The following FBXW7 variants were observed in gnomAD, a reference collection of about 807,000 sequenced individuals.
The protein encoded by FBXW7 is F-box and WD repeat domain containing 7, also known as F-box/WD repeat-containing protein 7.
A neutral mutation model predicts 86.3 loss-of-function variants in FBXW7; 11 were observed. The ratio of observed to expected loss-of-function variants is 0.13; its 90% CI spans 0.08 to 0.21. The LOEUF is 0.21. Among genes scored for constraint, FBXW7 ranks in the 10% least tolerant of loss-of-function variants. FBXW7 has a pLI of 1.00. For synonymous variants in FBXW7, 313 were observed against 297.9 expected, an observed-to-expected ratio of 1.05 and a Z score of -0.52; for missense variants, 488 against 847.4, an observed-to-expected ratio of 0.58 and a Z score of 5.27.
At chr4:152,411,082 C>G in intron 4 of FBXW7, 2 of 779,132 alleles carry the variant, frequency 2.6e-6, no homozygotes, top group Non-Finnish European at 3.6e-6. Context: ...TAGTAATAGG[C>G]TCAATTACTT....
intron 2 of FBXW7, among the ~76,000 whole-genome samples, chr4:152,428,063 C>G (rs190163682): frequency 9.0e-4 from 137 of 152,214 alleles, no homozygotes; most frequent in African/African-American, 3.2e-3. Context: ...TCCCATGGAA[C>G]CTTGGGTATG....
intron 2 of FBXW7, among the ~76,000 whole-genome samples, chr4:152,435,357 G>C (rs1411926971): frequency 6.6e-6 from 1 of 152,000 alleles, no homozygotes; most frequent in Non-Finnish European, 1.5e-5. Flanking sequence ...CCTTAATTTT[G>C]GTTTGTCTAA....
intron 2 of FBXW7, among the ~76,000 whole-genome samples, chr4:152,490,327 T>C (rs1745723558): frequency 6.6e-6 from 1 of 152,108 alleles, no homozygotes; most frequent in African/African-American, 2.4e-5. Flanking sequence ...ATGTAAATTT[T>C]ATACTATGTA....
At chr4:152,401,200 A>C (rs895268362) in intron 4 of FBXW7, among the ~76,000 whole-genome samples, 27 of 152,190 alleles carry the variant, frequency 1.8e-4, no homozygotes, top group African/African-American at 6.5e-4. Context: ...CATTTACGCA[A>C]AGGAGTTAAA....
intron 2 of FBXW7, among the ~76,000 whole-genome samples, chr4:152,421,716 C>T (rs1466399189): frequency 1.3e-5 from 2 of 152,092 alleles, no homozygotes; most frequent in Non-Finnish European, 2.9e-5. Context: ...TTCACTTGAA[C>T]ACTTAGAAGC....
chr4:152,419,992 T>C (rs574211137), intron 2 of FBXW7, among the ~76,000 whole-genome samples: 1 of 152,148 alleles, frequency 6.6e-6, no homozygotes, highest in Non-Finnish European at 1.5e-5. Context: ...ACAATAAAGT[T>C]AGCCACATCA....
At chr4:152,431,756 T>C (rs2126951420) in intron 2 of FBXW7, among the ~76,000 whole-genome samples, 1 of 152,320 alleles carries the variant, frequency 6.6e-6, no homozygotes, top group Admixed American at 6.5e-5. Flanking sequence ...AGGACATTTT[T>C]TTCTCCTTGT....
intron 2 of FBXW7, among the ~76,000 whole-genome samples, chr4:152,478,434 A>G (rs748005225): frequency 6.6e-6 from 1 of 152,120 alleles, no homozygotes; most frequent in African/African-American, 2.4e-5. Context: ...ATATTCTACT[A>G]TATGTATAAA....
intron 4 of FBXW7, among the ~76,000 whole-genome samples, chr4:152,405,266 C>T (rs1210238519): frequency 2.0e-5 from 3 of 152,024 alleles, no homozygotes; most frequent in African/African-American, 7.2e-5. Context: ...CCAAAAATGT[C>T]ACCAGGTAAT....
intron 2 of FBXW7, among the ~76,000 whole-genome samples, chr4:152,461,977 T>C (rs1307249816): frequency 2.0e-5 from 3 of 152,334 alleles, no homozygotes; most frequent in African/African-American, 7.2e-5. Context: ...TATACGTTGT[T>C]TCAGTTAAAG....
At chr4:152,461,680 A>G (rs1054771315) in intron 2 of FBXW7, among the ~76,000 whole-genome samples, 4 of 152,196 alleles carry the variant, frequency 2.6e-5, no homozygotes, top group Non-Finnish European at 5.9e-5. Context: ...TTTCCACTTT[A>G]TTTGCATATC....
At chr4:152,332,307 A>G (rs1000887133) in intron 8 of FBXW7, among the ~76,000 whole-genome samples, 4 of 152,128 alleles carry the variant, frequency 2.6e-5, no homozygotes, top group Non-Finnish European at 5.9e-5. Context: ...ATATTTGGAT[A>G]TTTAATTGGA....
chr4:152,383,499 C>G lies in FBXW7; in HGVS notation c.501+27804G>C, dbSNP rs143929606. ...TTTATACTATAATCCATATTCCTAA[C>G]AGATAGTAGATAATGATTGTGAACT... On this transcript the variant is annotated intron_variant, in intron 4 of 13. Coordinates refer to ENST00000281708, the MANE Select transcript of FBXW7 (RefSeq NM_001349798.2). 2.9e-4 allele frequency among the ~76,000 whole-genome samples: 44 copies of G among 152,268 alleles called. No individual in the cohort carries two copies. In the East Asian group the frequency reaches 5.2e-3, roughly 18 times the overall value.
intron 4 of FBXW7, among the ~76,000 whole-genome samples, chr4:152,389,412 C>A (rs1232769565): frequency 6.6e-6 from 1 of 151,966 alleles, no homozygotes; most frequent in East Asian, 1.9e-4. Context: ...CACACACACA[C>A]AAATGGAATA....
chr4:152,525,079 T>G (rs1749385261), intron 2 of FBXW7, among the ~76,000 whole-genome samples: 1 of 152,212 alleles, frequency 6.6e-6, no homozygotes, highest in South Asian at 2.1e-4. Context: ...AAGTCTTTTT[T>G]GAAAAACTAT....
chr4:152,483,041 A>C (rs1745020775), intron 2 of FBXW7, among the ~76,000 whole-genome samples: 2 of 152,122 alleles, frequency 1.3e-5, no homozygotes, highest in Non-Finnish European at 2.9e-5. Flanking sequence ...TCTAAAATAC[A>C]GATGTACCAT....
At chr4:152,390,137 G>A (rs1326910518) in intron 4 of FBXW7, among the ~76,000 whole-genome samples, 1 of 149,394 alleles carries the variant, frequency 6.7e-6, no homozygotes, top group African/African-American at 2.5e-5. Context: ...CCTACCTACT[G>A]TAGTGGTCTA....
intron 5 of FBXW7, chr4:152,348,755 A>C: frequency 1.9e-6 from 2 of 1,042,322 alleles, no homozygotes; most frequent in Non-Finnish European, 1.3e-6. Context: ...CATTAAATGC[A>C]AATTTCTCAT....
chr4:152,486,564 T>C (rs527788413), intron 2 of FBXW7, among the ~76,000 whole-genome samples: 46 of 152,306 alleles, frequency 3.0e-4, no homozygotes, highest in African/African-American at 1.1e-3. Flanking sequence ...TCAGTATCAC[T>C]GTCTTCCACC....
Sources: allele counts gnomAD v4.1 joint callset (sites outside exome capture counted in the v4.1 genomes callset), GRCh38; gene constraint gnomAD v4.1.1; transcripts MANE v1.5; gene names NCBI Gene and HGNC (gene_info 2026-07-23, HGNC 2026-07-21).